HACD2: variants seen among roughly 807,000 people sequenced by gnomAD.
HACD2 encodes 3-hydroxyacyl-CoA dehydratase 2.
A neutral mutation model predicts 31.0 loss-of-function variants in HACD2; 15 were observed. The observed-to-expected ratio is 0.48, with a 90% CI of 0.32 to 0.75. The LOEUF is 0.75. Among genes scored for constraint, HACD2 ranks in the 30% least tolerant of loss-of-function variants. The pLI, the probability that HACD2 is intolerant of heterozygous loss-of-function variation, is 0.03. For synonymous variants in HACD2, 115 were observed against 122.2 expected (o/e 0.94, Z 0.39); for missense variants, 283 against 313.0 (o/e 0.90, Z 0.72).
intron 4 of HACD2, among the ~76,000 whole-genome samples, chr3:123,515,435 A>T (rs1308260867): frequency 6.6e-6 from 1 of 152,158 alleles, no homozygotes; most frequent in East Asian, 1.9e-4. Context: ...GGAATGAAGA[A>T]ATAATAGATG....
In HACD2 at chr3:123,532,407, T is replaced by C. The variant is rs559928333; in HGVS notation, c.293-3933A>G. Among the ~76,000 whole-genome samples, 33 of 152,062 alleles carry C rather than the reference T, an allele frequency of 2.2e-4. No homozygotes were observed. The East Asian group carries it at 6.0e-3, about 28-fold the overall frequency. On this transcript the variant is annotated intron_variant, in intron 3 of 6. Coordinates refer to ENST00000383657, the MANE Select transcript of HACD2 (RefSeq NM_198402.5). ...CGAAATGCCTGCTCTACTGGACCAG[T>C]CAAAAGGCCAAGAGCTCTATCCCTG...
chr3:123,539,424 G>T (rs12634030), intron 3 of HACD2, among the ~76,000 whole-genome samples: 2 of 151,916 alleles, frequency 1.3e-5, no homozygotes, highest in African/African-American at 2.4e-5. Flanking sequence ...ACAAAAATTA[G>T]CTGGGCATGG....
In HACD2 at chr3:123,528,464, T is replaced by C. The variant is rs1341697501; in HGVS notation, c.303A>G (p.Pro101=). ...EILHCAIGIV[P]SSVVLTSFQV... ...GGAAAGAAGTCAGGACAACAGAAGA[T>C]GGAACAATTCCTGAAAGAAATTTTG... The change falls in exon 4 of 7, where the codon CCA becomes CCG. Residue 101 remains proline (P), a synonymous_variant. Coordinates refer to ENST00000383657, the MANE Select transcript of HACD2 (RefSeq NM_198402.5). 3.1e-6 allele frequency: 5 copies of C among 1,609,298 alleles called. No individual in the cohort carries two copies. The highest frequency in any genetic ancestry group is 4.3e-6 in the Non-Finnish European group (5 of 1,175,732).
chr3:123,567,915 C>T (rs373476758), intron 2 of HACD2, 135 bp from the exon 3 acceptor site: 3 of 463,792 alleles, frequency 6.5e-6, no homozygotes. Context: ...AATGAACATT[C>T]CATTTTTAAA....
chr3:123,497,504 T>C (rs1270331888), intron 6 of HACD2, among the ~76,000 whole-genome samples: 3 of 152,202 alleles, frequency 2.0e-5, no homozygotes, highest in African/African-American at 4.8e-5. Flanking sequence ...CCAAGTCTCC[T>C]TGGTTTCTCT....
At chr3:123,539,911 T>TA (rs71142741) in intron 3 of HACD2, among the ~76,000 whole-genome samples, 1,280 of 24,448 alleles carry the variant, frequency 0.052, 441 homozygotes, top group Middle Eastern at 0.12. Context: ...TCGTCTCTAC[T>TA]AAAAAAAAAA....
chr3:123,503,567 T>C (rs1415935845), intron 4 of HACD2, among the ~76,000 whole-genome samples: 1 of 152,122 alleles, frequency 6.6e-6, no homozygotes, highest in East Asian at 1.9e-4. Flanking sequence ...AGGTATTCCC[T>C]TGTGTTGAAA....
intron 4 of HACD2, among the ~76,000 whole-genome samples, chr3:123,508,239 C>T (rs761407898): frequency 6.6e-5 from 10 of 152,142 alleles, no homozygotes; most frequent in East Asian, 3.9e-4. Flanking sequence ...GAAGCCCTTC[C>T]GGTTAGGGAA....
intron 3 of HACD2, among the ~76,000 whole-genome samples, chr3:123,542,191 CT>C (rs1233356282): frequency 7.6e-6 from 1 of 131,272 alleles, no homozygotes; most frequent in Non-Finnish European, 1.7e-5. Context: ...TTGTTTTTAT[CT>C]TTAAAAAAAT....
chr3:123,567,808 A>C (rs2056808962), intron 2 of HACD2, 28 bp from the exon 3 acceptor site: 1 of 1,409,616 alleles, frequency 7.1e-7, no homozygotes, highest in East Asian at 2.5e-5. Context: ...AAAAAAGAGG[A>C]GAATTAGTAA....
chr3:123,519,951 G>A (rs2056192336), intron 4 of HACD2, among the ~76,000 whole-genome samples: 2 of 152,208 alleles, frequency 1.3e-5, no homozygotes, highest in South Asian at 4.1e-4. Flanking sequence ...TTCAAACTCA[G>A]TGGGATAATA....
intron 4 of HACD2, among the ~76,000 whole-genome samples, chr3:123,508,670 C>A (rs999297898): frequency 6.6e-6 from 1 of 152,308 alleles, no homozygotes; most frequent in East Asian, 1.9e-4. Flanking sequence ...TCTTAAAACC[C>A]CTTTCATTTG....
At chr3:123,577,417 C>T (rs745449415) in intron 2 of HACD2, among the ~76,000 whole-genome samples, 3 of 151,900 alleles carry the variant, frequency 2.0e-5, no homozygotes, top group African/African-American at 4.8e-5. Flanking sequence ...GTCAGGAGAT[C>T]GAGACCATCC....
At chr3:123,583,753 T>C (rs992585795) in intron 1 of HACD2, among the ~76,000 whole-genome samples, 3 of 152,206 alleles carry the variant, frequency 2.0e-5, no homozygotes, top group Admixed American at 6.5e-5. Flanking sequence ...ATAAACATAT[T>C]TGCTTGCATC....
intron 6 of HACD2, among the ~76,000 whole-genome samples, chr3:123,498,330 A>T (rs183614389): frequency 1.3e-5 from 2 of 152,356 alleles, no homozygotes; most frequent in Admixed American, 6.5e-5. Context: ...TACCAAAAGG[A>T]GGCTGAGACT....
At chr3:123,584,756 C>G in intron 1 of HACD2, 117 bp downstream of exon 1, 10 of 814,608 alleles carry the variant, frequency 1.2e-5, no homozygotes, top group Non-Finnish European at 1.7e-5. Flanking sequence ...CCGGGCACCC[C>G]CCGCCGGGAA....
At chr3:123,569,270 T>C (rs776083484) in intron 2 of HACD2, among the ~76,000 whole-genome samples, 2 of 152,148 alleles carry the variant, frequency 1.3e-5, no homozygotes, top group African/African-American at 2.4e-5. Flanking sequence ...TGCTGCAAAG[T>C]TCAGGAGAAC....
intron 5 of HACD2, 36 bp downstream of exon 5, chr3:123,502,524 T>C (rs1190888014): frequency 6.2e-6 from 10 of 1,603,070 alleles, no homozygotes; most frequent in Non-Finnish European, 8.5e-6. Context: ...TGACAGATCA[T>C]TTCAAAAGTG....
intron 1 of HACD2, among the ~76,000 whole-genome samples, chr3:123,584,029 C>T (rs1458681331): frequency 6.6e-6 from 1 of 152,204 alleles, no homozygotes; most frequent in Non-Finnish European, 1.5e-5. Context: ...CTGTCTGATG[C>T]TGTGATCCTC....
Sources: allele counts gnomAD v4.1 joint callset (sites outside exome capture counted in the v4.1 genomes callset), GRCh38; gene constraint gnomAD v4.1.1; transcripts MANE v1.5; gene names NCBI Gene and HGNC (gene_info 2026-07-23, HGNC 2026-07-21).